Variants in ARL1 observed in about 807,000 individuals in gnomAD.
The protein encoded by ARL1 is ARF like GTPase 1.
A neutral mutation model predicts 30.1 loss-of-function variants in ARL1; 17 were observed. The ratio of observed to expected loss-of-function variants is 0.56; its 90% CI spans 0.39 to 0.85. ARL1 has a LOEUF of 0.85. ARL1 is among the 40% of genes least tolerant of loss of function. ARL1 has a pLI of 0.00. For synonymous variants in ARL1, 58 were observed against 71.7 expected, an observed-to-expected ratio of 0.81 and a Z score of 0.97; for missense variants, 102 against 212.6, an observed-to-expected ratio of 0.48 and a Z score of 3.24.
chr12:101,400,014 G>A (rs944763300), intron 4 of ARL1, among the ~76,000 whole-genome samples: 6 of 151,996 alleles, frequency 3.9e-5, no homozygotes, highest in African/African-American at 1.4e-4. Context: ...TGCAACCTCT[G>A]CCTCCTGGGT....
At position 101,396,500 on chromosome 12, in the gene ARL1, C is replaced by A; in HGVS notation, c.414G>T (p.Glu138Asp). 6.2e-7 allele frequency: 1 copy of A among 1,614,022 alleles called. No individual in the cohort carries two copies. Among genetic ancestry groups the A allele is most frequent in the Non-Finnish European group, 8.5e-7 (1 of 1,179,904 alleles). Residue 138 changes from glutamate (E) to aspartate (D), a missense_variant, in exon 5 of 6, where the codon GAG becomes GAT. Physicochemically the swap from Glu to Asp is conservative, Grantham distance 45. Transcript: ENST00000261636. ...CAGGTAACCCAAGTGAATTTGCCAT[C>A]TCTGAGGAAGTCATGGCCTGTTCCA... ...QDMEQAMTSS[E>D]MANSLGLPAL...
chr12:101,400,991 T>C, intron 4 of ARL1, 71 bp downstream of exon 4: 2 of 1,060,134 alleles, frequency 1.9e-6, no homozygotes, highest in Non-Finnish European at 1.4e-6. Flanking sequence ...CCTGCATTCT[T>C]TTTAATTATT....
intron 2 of ARL1, among the ~76,000 whole-genome samples, chr12:101,404,503 C>T (rs1871386545): frequency 6.6e-6 from 1 of 152,172 alleles, no homozygotes; most frequent in Non-Finnish European, 1.5e-5. Flanking sequence ...GAAGCAAAAA[C>T]TAAGGGCACT....
chr12:101,400,535 C>T (rs936385761), intron 4 of ARL1, among the ~76,000 whole-genome samples: 11 of 152,020 alleles, frequency 7.2e-5, no homozygotes, highest in Non-Finnish European at 2.9e-5. Context: ...GGCAGCCATG[C>T]AAAGATGCTG....
chr12:101,394,718 G>C lies in ARL1; in HGVS notation c.*922C>G, dbSNP rs1593463152. 6.6e-6 allele frequency: 1 copy of C among 152,048 alleles called. No individual in the cohort carries two copies. Among genetic ancestry groups the C allele is most frequent in the African/African-American group, 2.4e-5 (1 of 41,406 alleles). 9.4% of individuals were successfully genotyped at this position (152,048 alleles called of 1,614,324 possible). A position where few individuals can be genotyped will look rare whatever the true frequency, so the allele number is the denominator to read the frequency against. ...TTAGGATTATTTATAGTATGTCACT[G>C]ATCACTTCTACTAGTATAGACAAAT... On this transcript the variant is annotated 3_prime_UTR_variant, in exon 6 of 6. Transcript: ENST00000261636.
chr12:101,396,105 GA>G, intron 5 of ARL1: 1 of 591,194 alleles, frequency 1.7e-6, no homozygotes, highest in Non-Finnish European at 3.0e-6. Flanking sequence ...CTCTTCAGAA[GA>G]GAGTCTTAAG....
At chr12:101,403,173 C>A in intron 2 of ARL1, 1 of 483,464 alleles carries the variant, frequency 2.1e-6, no homozygotes, top group Non-Finnish European at 3.8e-6. Context: ...CTCTGCTCCC[C>A]CACACATGTG....
intron 1 of ARL1, chr12:101,407,220 T>G: frequency 4.8e-6 from 1 of 209,320 alleles, no homozygotes; most frequent in Non-Finnish European, 9.4e-6. Flanking sequence ...GTAAAGAGAA[T>G]GATTAAGCTT....
At chr12:101,399,895 G>C (rs190367756) in intron 4 of ARL1, among the ~76,000 whole-genome samples, 23 of 152,082 alleles carry the variant, frequency 1.5e-4, no homozygotes, top group African/African-American at 5.3e-4. Flanking sequence ...CATTTTAGAG[G>C]GAGAGATACA....
chr12:101,404,573 C>A (rs1457822285), intron 2 of ARL1, among the ~76,000 whole-genome samples: 1 of 152,200 alleles, frequency 6.6e-6, no homozygotes, highest in Non-Finnish European at 1.5e-5. Flanking sequence ...AAACGCTCTT[C>A]TTTCTTAGAG....
chr12:101,404,909 T>C (rs746742781), intron 2 of ARL1, among the ~76,000 whole-genome samples: 1 of 152,238 alleles, frequency 6.6e-6, no homozygotes, highest in African/African-American at 2.4e-5. Context: ...TTTGCTCTTG[T>C]TGCCCAGGCT....
chr12:101,403,416 G>A (rs1871356056), intron 2 of ARL1: 1 of 241,786 alleles, frequency 4.1e-6, no homozygotes, highest in Non-Finnish European at 8.2e-6. Flanking sequence ...TATTTAGAAA[G>A]TACAGTTGTG....
chr12:101,400,677 G>C (rs865926185), intron 4 of ARL1, among the ~76,000 whole-genome samples: 1 of 152,112 alleles, frequency 6.6e-6, no homozygotes, highest in Non-Finnish European at 1.5e-5. Flanking sequence ...AACGATAAAC[G>C]TGAGGCCAGC....
chr12:101,401,664 A>G (rs1190517804), intron 3 of ARL1, among the ~76,000 whole-genome samples: 3 of 145,254 alleles, frequency 2.1e-5, no homozygotes, highest in South Asian at 2.2e-4. Context: ...AAAAAAAAAG[A>G]ATGTTGATAA....
At chr12:101,405,684 G>A (rs1459516332) in intron 2 of ARL1, 160 bp downstream of exon 2, 3 of 644,300 alleles carry the variant, frequency 4.7e-6, no homozygotes, top group Non-Finnish European at 6.8e-6. Flanking sequence ...GGGAGGCCAA[G>A]GCAGGAGGAT....
chr12:101,404,324 C>T (rs746931621), intron 2 of ARL1, among the ~76,000 whole-genome samples: 6 of 151,918 alleles, frequency 3.9e-5, no homozygotes, highest in South Asian at 2.1e-4. Context: ...TAGAGGTAGA[C>T]GCTGCAGTGA....
At position 101,395,635 on chromosome 12, in the gene ARL1, C is replaced by A. The variant is rs1361675689; in HGVS notation, c.*5G>T. ...CTTCATTTCAGGGGAGAAGAATGGA[C>A]TGAATTACTGTCTGCTTTTTAATGT... On this transcript the variant is annotated 3_prime_UTR_variant, in exon 6 of 6. Transcript: ENST00000261636. 2.8e-5 allele frequency: 44 copies of A among 1,578,766 alleles called. No individual in the cohort carries two copies. The highest frequency in any genetic ancestry group is 3.6e-5 in the Non-Finnish European group (42 of 1,158,906).
chr12:101,404,597 G>A (rs1256143974), intron 2 of ARL1, among the ~76,000 whole-genome samples: 3 of 152,140 alleles, frequency 2.0e-5, no homozygotes, highest in East Asian at 1.9e-4. Context: ...AGCCTCTTTC[G>A]TTTTAGTCCA....
intron 2 of ARL1, among the ~76,000 whole-genome samples, chr12:101,404,444 C>T (rs1042876850): frequency 1.3e-5 from 2 of 152,224 alleles, no homozygotes; most frequent in South Asian, 4.1e-4. Flanking sequence ...ATCCACTGTG[C>T]TGCTCTGTGC....
Sources: allele counts gnomAD v4.1 joint callset (sites outside exome capture counted in the v4.1 genomes callset), GRCh38; gene constraint gnomAD v4.1.1; transcripts MANE v1.5; gene names NCBI Gene and HGNC (gene_info 2026-07-23, HGNC 2026-07-21).